The following PTPRD variants were observed in gnomAD, a reference collection of about 807,000 sequenced individuals.
The protein encoded by PTPRD is receptor-type tyrosine-protein phosphatase delta.
A neutral mutation model predicts 214.5 loss-of-function variants in PTPRD; 34 were observed. The ratio of observed to expected loss-of-function variants is 0.16; its 90% CI spans 0.12 to 0.21. The LOEUF (loss-of-function observed/expected upper bound fraction) is 0.21. PTPRD is among the 10% of genes least tolerant of loss of function. The probability of loss-of-function intolerance (pLI) is 1.00; values close to 1 mark genes in which losing one functional copy is unlikely to be tolerated. For synonymous variants in PTPRD, 1,128 were observed against 845.7 expected, an observed-to-expected ratio of 1.33 and a Z score of -5.79; for missense variants, 2,545 against 2,398.7, an observed-to-expected ratio of 1.06 and a Z score of -1.27.
intron 7 of PTPRD, among the ~76,000 whole-genome samples, chr9:9,724,693 C>G (rs980452235): frequency 6.6e-6 from 1 of 152,156 alleles, no homozygotes; most frequent in African/African-American, 2.4e-5. Context: ...ATAGACAACA[C>G]TTCTTGCCTG....
chr9:10,136,263 T>C (rs74200029), intron 3 of PTPRD, among the ~76,000 whole-genome samples: 2,715 of 152,188 alleles, frequency 0.018, 60 homozygotes, highest in African/African-American at 0.049. Context: ...CAGTAAGATT[T>C]AGACAGCTGC....
chr9:8,566,482 T>C (rs566645631), intron 14 of PTPRD, among the ~76,000 whole-genome samples: 4 of 152,276 alleles, frequency 2.6e-5, no homozygotes, highest in South Asian at 4.1e-4. Context: ...ATCCTCAGTA[T>C]GAAACAGCTT....
rs758528718 is a variant in PTPRD, at chr9:9,877,973, C to CAAAA, written c.-368+60530_-368+60533dup. Among the ~76,000 whole-genome samples the CAAAA allele has an allele frequency of 2.0e-4, 14 of 70,642 alleles. 1 individual carries two copies. Among genetic ancestry groups the CAAAA allele is most frequent in the African/African-American group, 5.7e-4 (11 of 19,308 alleles). 46.3% of individuals were successfully genotyped at this position (70,642 alleles called of 152,430 possible). A position where few individuals can be genotyped will look rare whatever the true frequency, so the allele number is the denominator to read the frequency against. On this transcript the variant is annotated intron_variant, in intron 5 of 45. Coordinates refer to ENST00000381196, the MANE Select transcript of PTPRD (RefSeq NM_002839.4). ...GGGCAACAATAGCAAAACTCCATCT[C>CAAAA]AAAAAAAAAAAAAAAAAAAAAATGC...
chr9:9,214,247 C>T (rs1193149577), intron 9 of PTPRD, among the ~76,000 whole-genome samples: 2 of 152,154 alleles, frequency 1.3e-5, no homozygotes, highest in Non-Finnish European at 2.9e-5. Flanking sequence ...GCTCCAGATG[C>T]CCTCCAGCTA....
intron 4 of PTPRD, among the ~76,000 whole-genome samples, chr9:10,025,336 G>A (rs2096903654): frequency 6.6e-6 from 1 of 152,292 alleles, no homozygotes; most frequent in South Asian, 2.1e-4. Flanking sequence ...ACTGGTGCGA[G>A]ATGGTATCTG....
intron 12 of PTPRD, chr9:8,713,516 A>T: frequency 8.3e-7 from 1 of 1,201,884 alleles, no homozygotes; most frequent in South Asian, 1.2e-5. Context: ...CAGGTGTTTG[A>T]GAAGTCCCCG....
At chr9:9,535,080 T>G (rs1207467546) in intron 8 of PTPRD, among the ~76,000 whole-genome samples, 1 of 152,108 alleles carries the variant, frequency 6.6e-6, no homozygotes, top group African/African-American at 2.4e-5. Flanking sequence ...GATTTGCTTT[T>G]CTTTTCCTTT....
chr9:9,206,225 G>A (rs1387413606), intron 9 of PTPRD, among the ~76,000 whole-genome samples: 1 of 152,166 alleles, frequency 6.6e-6, no homozygotes, highest in Non-Finnish European at 1.5e-5. Context: ...GCTGAGGTCA[G>A]AGAAGTAATG....
At chr9:9,173,614 C>T (rs532974711) in intron 10 of PTPRD, among the ~76,000 whole-genome samples, 1 of 152,248 alleles carries the variant, frequency 6.6e-6, no homozygotes, top group Non-Finnish European at 1.5e-5. Context: ...GTGTTGAATA[C>T]TGTACACCAT....
intron 5 of PTPRD, among the ~76,000 whole-genome samples, chr9:9,828,126 A>G (rs554787303): frequency 6.6e-6 from 1 of 151,998 alleles, no homozygotes. Context: ...ACTAGAAATA[A>G]CATTTGACCC....
At chr9:9,710,136 C>T (rs972025063) in intron 7 of PTPRD, among the ~76,000 whole-genome samples, 1 of 151,918 alleles carries the variant, frequency 6.6e-6, no homozygotes, top group Non-Finnish European at 1.5e-5. Context: ...CTGAATTTAT[C>T]TGTGTAGCAA....
chr9:10,117,045 T>G (rs939254020), intron 3 of PTPRD, among the ~76,000 whole-genome samples: 1 of 152,168 alleles, frequency 6.6e-6, no homozygotes, highest in Non-Finnish European at 1.5e-5. Context: ...ATTTACTATG[T>G]TTCTTTTACA....
chr9:10,371,216 A>G (rs932466214), intron 2 of PTPRD, among the ~76,000 whole-genome samples: 3 of 151,296 alleles, frequency 2.0e-5, no homozygotes, highest in Non-Finnish European at 4.4e-5. Context: ...TATGAATGAT[A>G]TATATTTAAA....
intron 8 of PTPRD, among the ~76,000 whole-genome samples, chr9:9,397,832 T>C (rs2068497618): frequency 6.6e-6 from 1 of 151,944 alleles, no homozygotes; most frequent in Non-Finnish European, 1.5e-5. Context: ...ACAAACACAA[T>C]CTTGAATTAC....
chr9:9,520,276 T>C (rs62533256), intron 8 of PTPRD, among the ~76,000 whole-genome samples: 5,874 of 80,486 alleles, frequency 0.073, 180 homozygotes, highest in Non-Finnish European at 0.15. Flanking sequence ...TATATATATA[T>C]ATATATTAAG....
intron 9 of PTPRD, among the ~76,000 whole-genome samples, chr9:9,189,815 G>A (rs1244287321): frequency 6.6e-6 from 1 of 151,928 alleles, no homozygotes; most frequent in Non-Finnish European, 1.5e-5. Flanking sequence ...TTACCCATTA[G>A]GTTGTTTTCT....
intron 2 of PTPRD, among the ~76,000 whole-genome samples, chr9:10,526,404 T>A (rs922773347): frequency 1.3e-5 from 2 of 152,114 alleles, no homozygotes; most frequent in Admixed American, 1.3e-4. Flanking sequence ...AAACATGTTA[T>A]AATTACTGAA....
chr9:8,781,788 C>T (rs2154494209), intron 11 of PTPRD, among the ~76,000 whole-genome samples: 1 of 152,128 alleles, frequency 6.6e-6, no homozygotes, highest in African/African-American at 2.4e-5. Flanking sequence ...GTACGTTTTC[C>T]CAAAACAAGT....
chr9:8,979,768 T>C (rs546843539), intron 11 of PTPRD, among the ~76,000 whole-genome samples: 4 of 152,160 alleles, frequency 2.6e-5, no homozygotes, highest in Non-Finnish European at 5.9e-5. Context: ...AAAAGGAACA[T>C]TAGTACACTG....
Sources: gnomAD v4.1 joint callset for allele counts (sites outside exome capture counted in the v4.1 genomes callset) on GRCh38, gnomAD v4.1.1 for gene constraint, MANE v1.5 for transcripts, NCBI Gene and HGNC (gene_info 2026-07-23, HGNC 2026-07-21) for gene names.